Variants in RBFOX1 observed in about 807,000 individuals in gnomAD.
RBFOX1 encodes RNA binding protein fox-1 homolog 1.
A neutral mutation model predicts 57.7 loss-of-function variants in RBFOX1; 8 were observed. The observed-to-expected ratio is 0.14, with a 90% CI of 0.08 to 0.25. The LOEUF (loss-of-function observed/expected upper bound fraction) is 0.25. RBFOX1 is among the 10% of genes least tolerant of loss of function. RBFOX1 has a pLI of 1.00. For missense variants in RBFOX1, 611 were observed against 548.5 expected (o/e 1.11, Z -1.14); for synonymous variants, 326 against 222.4 (o/e 1.47, Z -4.15).
At chr16:6,570,715 G>C (rs2097333464) in intron 2 of RBFOX1, among the ~76,000 whole-genome samples, 1 of 152,030 alleles carries the variant, frequency 6.6e-6, no homozygotes, top group African/African-American at 2.4e-5. Flanking sequence ...TTCCTACTCA[G>C]GAAAAGTTAT....
At chr16:6,953,394 T>TC (rs2081157267) in intron 3 of RBFOX1, among the ~76,000 whole-genome samples, 1 of 146,718 alleles carries the variant, frequency 6.8e-6, no homozygotes, top group African/African-American at 2.4e-5. Flanking sequence ...TTGTTGTTAT[T>TC]GTTTTTTTTT....
chr16:6,808,178 G>GTGTATA (rs1318609964), intron 3 of RBFOX1, among the ~76,000 whole-genome samples: 82 of 145,570 alleles, frequency 5.6e-4, no homozygotes, highest in African/African-American at 2.0e-3. Flanking sequence ...GTGTGTGTGT[G>GTGTATA]TATATATATA....
At position 6,999,169 on chromosome 16, in the gene RBFOX1, T is replaced by TTTTTATTTTATTTTA. The variant is rs71408491; in HGVS notation, c.-15-52868_-15-52854dup. Reference sequence around the variant, plus strand: ...CAGGTGTGAGCCACTGAGCCTGGCCTTTTTATTTTATTTTATTTTATTTTA... The same window carrying TTTTTATTTTATTTTA: ...CAGGTGTGAGCCACTGAGCCTGGCCTTTTTATTTTATTTTATTTTATTTTATTTTATTTTATTTTA... On this transcript the variant is annotated intron_variant, in intron 3 of 15. Transcript: ENST00000550418. 5.1e-3 allele frequency among the ~76,000 whole-genome samples: 655 copies of TTTTTATTTTATTTTA among 127,702 alleles called. 5 individuals carry two copies. Among genetic ancestry groups the TTTTTATTTTATTTTA allele is most frequent in the Middle Eastern group, 8.0e-3 (2 of 250 alleles). The allele number at this position is 127,702 out of a possible 152,430, so 83.8% of individuals were successfully genotyped here. A position where few individuals can be genotyped will look rare whatever the true frequency, so the allele number is the denominator to read the frequency against.
At chr16:7,240,498 A>G (rs1358880348) in intron 4 of RBFOX1, among the ~76,000 whole-genome samples, 1 of 152,028 alleles carries the variant, frequency 6.6e-6, no homozygotes, top group Non-Finnish European at 1.5e-5. Flanking sequence ...ATTTTATTGT[A>G]TTGATTTCTG....
rs1052150929 is a variant in RBFOX1, at chr16:6,537,775, C to G, written c.-63-116828C>G. Among the ~76,000 whole-genome samples, 6 of 152,054 alleles carry G rather than the reference C, an allele frequency of 3.9e-5. No individual in the cohort carries two copies. In the East Asian group the frequency reaches 7.7e-4, roughly 20 times the overall value. ...TAATGTGGTTCCAACTGAAGACCACCAAATAGTGCTCACTGGTAGCTGAAA... is the reference window on the plus strand; with the variant it reads ...TAATGTGGTTCCAACTGAAGACCACGAAATAGTGCTCACTGGTAGCTGAAA... On this transcript the variant is annotated intron_variant, in intron 2 of 15. Transcript: ENST00000550418.
chr16:6,671,520 G>C (rs2098764861), intron 3 of RBFOX1, among the ~76,000 whole-genome samples: 1 of 152,122 alleles, frequency 6.6e-6, no homozygotes, highest in African/African-American at 2.4e-5. Context: ...ATCTAGGAAG[G>C]AATTTAGGAC....
chr16:5,681,400 T>C (rs1022475594), intron 3 of RBFOX1, among the ~76,000 whole-genome samples: 9 of 149,974 alleles, frequency 6.0e-5, no homozygotes, highest in Admixed American at 2.7e-4. Flanking sequence ...TTTTTTTTTT[T>C]TTTTTGAGGT....
chr16:6,568,185 C>G (rs556922507), intron 2 of RBFOX1, among the ~76,000 whole-genome samples: 7 of 152,304 alleles, frequency 4.6e-5, no homozygotes, highest in African/African-American at 9.6e-5. Flanking sequence ...TCTTTTTCAT[C>G]TCATAGAGTT....
intron 4 of RBFOX1, among the ~76,000 whole-genome samples, chr16:7,084,214 C>T (rs2059636792): frequency 1.3e-5 from 2 of 152,030 alleles, no homozygotes; most frequent in African/African-American, 2.4e-5. Context: ...TATAACAGAA[C>T]ACTGTGCTGG....
At chr16:5,413,696 A>G (rs1178888138) in intron 1 of RBFOX1, among the ~76,000 whole-genome samples, 2 of 152,228 alleles carry the variant, frequency 1.3e-5, no homozygotes, top group African/African-American at 4.8e-5. Flanking sequence ...TAAGTGGTCA[A>G]CAATTAAAGC....
At chr16:6,050,822 A>T (rs760438309) in intron 1 of RBFOX1, among the ~76,000 whole-genome samples, 1 of 151,840 alleles carries the variant, frequency 6.6e-6, no homozygotes, top group Non-Finnish European at 1.5e-5. Flanking sequence ...GTTTATTTGC[A>T]TACTCTAGTG....
chr16:5,727,134 T>C (rs1029260287), intron 3 of RBFOX1, among the ~76,000 whole-genome samples: 7 of 152,084 alleles, frequency 4.6e-5, no homozygotes, highest in Admixed American at 3.3e-4. Context: ...GGGTGTTCTT[T>C]CATGTGCCTG....
intron 2 of RBFOX1, chr16:6,483,044 C>A: frequency 1.3e-6 from 1 of 742,174 alleles, no homozygotes; most frequent in Non-Finnish European, 1.7e-6. Flanking sequence ...GGGCGAGCGG[C>A]GAGATACCGC....
At position 6,628,152 on chromosome 16, in the gene RBFOX1, G is replaced by A. The variant is rs113232965; in HGVS notation, c.-63-26451G>A. On this transcript the variant is annotated intron_variant, in intron 2 of 15. Transcript: ENST00000550418. ...GATGTCTCTGTGATACTGGTATGGCGTTACCTTCTGCCTCTTCCTGCTTAC... is the reference window on the plus strand; with the variant it reads ...GATGTCTCTGTGATACTGGTATGGCATTACCTTCTGCCTCTTCCTGCTTAC... 4.5e-3 allele frequency among the ~76,000 whole-genome samples: 685 copies of A among 152,274 alleles called. 9 individuals are homozygous for A. Among genetic ancestry groups the A allele is most frequent in the East Asian group, 0.02 (103 of 5,176 alleles).
intron 1 of RBFOX1, among the ~76,000 whole-genome samples, chr16:6,182,143 A>G (rs979664913): frequency 1.3e-5 from 2 of 152,262 alleles, no homozygotes; most frequent in South Asian, 4.1e-4. Context: ...TTCTTTGGAG[A>G]TCCTATCACA....
chr16:6,644,884 A>G (rs559845290), intron 2 of RBFOX1, among the ~76,000 whole-genome samples: 1 of 152,314 alleles, frequency 6.6e-6, no homozygotes, highest in Admixed American at 6.5e-5. Flanking sequence ...GCATCCTGCA[A>G]GAGAGATCAG....
chr16:6,196,949 C>A (rs941322865), intron 1 of RBFOX1, among the ~76,000 whole-genome samples: 3 of 152,124 alleles, frequency 2.0e-5, no homozygotes, highest in African/African-American at 4.8e-5. Context: ...CAGTGACATT[C>A]TTAAAGCATC....
chr16:7,496,093 G>C (rs973945455), intron 4 of RBFOX1, among the ~76,000 whole-genome samples: 3 of 152,154 alleles, frequency 2.0e-5, no homozygotes, highest in Non-Finnish European at 4.4e-5. Flanking sequence ...TCAGCAGTGA[G>C]TCAGTGCACA....
chr16:5,942,061 A>T (rs1016034902), intron 4 of RBFOX1, among the ~76,000 whole-genome samples: 1 of 152,096 alleles, frequency 6.6e-6, no homozygotes. Flanking sequence ...GGCTTATTCA[A>T]TTATCCTAGA....
Sources: gnomAD v4.1 joint callset for allele counts (sites outside exome capture counted in the v4.1 genomes callset) on GRCh38, gnomAD v4.1.1 for gene constraint, MANE v1.5 for transcripts, NCBI Gene and HGNC (gene_info 2026-07-23, HGNC 2026-07-21) for gene names.